The following NFIA variants were observed in gnomAD, a reference collection of about 807,000 sequenced individuals.
The protein encoded by NFIA is nuclear factor 1 A-type.
NFIA carries 8 observed loss-of-function variants against 62.8 expected under a neutral mutation model. The observed-to-expected ratio is 0.13, with a 90% CI of 0.07 to 0.23. The LOEUF (loss-of-function observed/expected upper bound fraction) is 0.23. NFIA is among the 10% of genes least tolerant of loss of function. The probability of loss-of-function intolerance (pLI) is 1.00; values close to 1 mark genes in which losing one functional copy is unlikely to be tolerated. For synonymous variants in NFIA, 235 were observed against 238.1 expected (o/e 0.99, Z 0.12); for missense variants, 410 against 642.1 (o/e 0.64, Z 3.91).
At chr1:61,179,632 G>C (rs1442088163) in intron 2 of NFIA, among the ~76,000 whole-genome samples, 2 of 152,136 alleles carry the variant, frequency 1.3e-5, no homozygotes, top group Non-Finnish European at 2.9e-5. Context: ...ACACCTGAAG[G>C]CTGCTATCTT....
In NFIA at chr1:61,457,932, C is replaced by T. The variant is rs973329337; in HGVS notation, c.*2612C>T. 6.6e-6 allele frequency: 1 copy of T among 151,916 alleles called. No individual in the cohort carries two copies. The highest frequency in any genetic ancestry group is 6.6e-5 in the Admixed American group (1 of 15,256). The allele number at this position is 151,916 out of a possible 1,614,324, so 9.4% of individuals were successfully genotyped here. ...CACATTCAATAAAAAGTATATAATG[C>T]CCATTTTTATATGCACGTTTTTAAA... is the stretch of plus-strand genomic sequence containing the variant. On this transcript the variant is annotated 3_prime_UTR_variant, in exon 11 of 11. Coordinates refer to ENST00000403491, the MANE Select transcript of NFIA (RefSeq NM_001134673.4). This position sits in a 1 kb window ranked among gnomAD's most constrained non-coding sequence, Gnocchi z 4.2.
chr1:61,238,932 C>T (rs1050803685), intron 2 of NFIA, among the ~76,000 whole-genome samples: 2 of 152,028 alleles, frequency 1.3e-5, no homozygotes, highest in Non-Finnish European at 1.5e-5. Flanking sequence ...AATTTTTATA[C>T]CATTTAGTTG....
chr1:61,222,912 C>T (rs1654107385), intron 2 of NFIA, among the ~76,000 whole-genome samples: 1 of 151,884 alleles, frequency 6.6e-6, no homozygotes, highest in Non-Finnish European at 1.5e-5. Flanking sequence ...ATTTCTGAGG[C>T]TATACAAATG....
chr1:61,201,958 A>C (rs1038425203), intron 2 of NFIA, among the ~76,000 whole-genome samples: 3 of 152,090 alleles, frequency 2.0e-5, no homozygotes, highest in East Asian at 1.9e-4. Context: ...TAAAAAAAAA[A>C]CACTCAGATT....
intron 2 of NFIA, among the ~76,000 whole-genome samples, chr1:61,147,800 G>A (rs562767733): frequency 1.3e-5 from 2 of 151,952 alleles, no homozygotes; most frequent in African/African-American, 2.4e-5. Flanking sequence ...CTGAAACTTC[G>A]GTTGGATTAA....
At chr1:61,133,056 T>C (rs1429431943) in intron 2 of NFIA, 1 of 152,218 alleles carries the variant, frequency 6.6e-6, no homozygotes, top group East Asian at 1.9e-4. Flanking sequence ...TTTAAGATCC[T>C]GTGTGTGCTT....
intron 2 of NFIA, among the ~76,000 whole-genome samples, chr1:61,113,939 T>C (rs1461635306): frequency 6.6e-6 from 1 of 152,166 alleles, no homozygotes; most frequent in Non-Finnish European, 1.5e-5. Context: ...TGAACAGGGA[T>C]ATGACATGCT....
chr1:61,107,070 C>T (rs1646615858), intron 2 of NFIA, among the ~76,000 whole-genome samples: 1 of 151,322 alleles, frequency 6.6e-6, no homozygotes, highest in Admixed American at 6.6e-5. Context: ...GTGTAATATT[C>T]TGTGATGGAT....
In NFIA at chr1:61,289,183, A is replaced by C. The variant is rs1034417936; in HGVS notation, c.625+11598A>C. Among the ~76,000 whole-genome samples, 3 of 152,104 alleles carry C rather than the reference A, an allele frequency of 2.0e-5. No homozygotes were observed. In the East Asian group the frequency reaches 5.8e-4, roughly 29 times the overall value. ...GGTCTGTGTTGGTATCCTCCCCCTCAGTTATTGGCTGGAAACAGCCTGGAG... is the reference window on the plus strand; with the variant it reads ...GGTCTGTGTTGGTATCCTCCCCCTCCGTTATTGGCTGGAAACAGCCTGGAG... On this transcript the variant is annotated intron_variant, in intron 3 of 10. Transcript: ENST00000403491.
chr1:61,141,818 A>G (rs1647556893), intron 2 of NFIA, among the ~76,000 whole-genome samples: 1 of 152,324 alleles, frequency 6.6e-6, no homozygotes, highest in African/African-American at 2.4e-5. Context: ...GTCAAAGGCT[A>G]TTGGTTTATT....
In NFIA at chr1:61,246,344, G is replaced by A. The variant is rs545968547; in HGVS notation, c.560-31176G>A. ...ATTAACAGTAGATATGTTCATCAAC[G>A]TTATTTTGAAAAAGTAACGTTATCT... On this transcript the variant is annotated intron_variant, in intron 2 of 10. Coordinates refer to ENST00000403491, the MANE Select transcript of NFIA (RefSeq NM_001134673.4). Among the ~76,000 whole-genome samples, 12 of 152,192 alleles carry A rather than the reference G, an allele frequency of 7.9e-5. No individual in the cohort carries two copies. The South Asian group carries it at 2.3e-3, about 29-fold the overall frequency.
chr1:61,169,398 T>G (rs190550621), intron 2 of NFIA, among the ~76,000 whole-genome samples: 6 of 152,342 alleles, frequency 3.9e-5, no homozygotes, highest in Admixed American at 3.3e-4. Flanking sequence ...AGGAATGCTC[T>G]TCTTTCCATC....
At chr1:61,155,598 G>T (rs553241016) in intron 2 of NFIA, among the ~76,000 whole-genome samples, 1 of 150,434 alleles carries the variant, frequency 6.6e-6, no homozygotes, top group African/African-American at 2.5e-5. Context: ...GCGTGAACCC[G>T]GGAAGCGGAG....
intron 5 of NFIA, among the ~76,000 whole-genome samples, chr1:61,357,491 G>C (rs6697762): frequency 6.6e-6 from 1 of 152,006 alleles, no homozygotes; most frequent in Non-Finnish European, 1.5e-5. Flanking sequence ...ATCAGCTGTA[G>C]AGCAGCCCTG....
rs565652430 is a variant in NFIA at position 61,190,938 on chromosome 1, A to C, written c.560-86582A>C. 2.0e-5 allele frequency among the ~76,000 whole-genome samples: 3 copies of C among 152,334 alleles called. No individual in the cohort carries two copies. The South Asian group carries it at 6.2e-4, about 32-fold the overall frequency. On this transcript the variant is annotated intron_variant, in intron 2 of 10. Transcript: ENST00000403491. ...TGTAGTTTTAATGGTCTGGTACTATAAAAAGCCAACTTTGTGCCAAAATTT... is the reference window on the plus strand; with the variant it reads ...TGTAGTTTTAATGGTCTGGTACTATCAAAAGCCAACTTTGTGCCAAAATTT...
intron 6 of NFIA, among the ~76,000 whole-genome samples, chr1:61,379,605 A>G (rs574293242): frequency 1.4e-3 from 210 of 151,020 alleles, no homozygotes; most frequent in African/African-American, 5.0e-3. Flanking sequence ...ATGCGGTTTC[A>G]CCATGTTGGC....
chr1:61,354,319 T>G (rs1416392838), intron 5 of NFIA, among the ~76,000 whole-genome samples: 3 of 152,236 alleles, frequency 2.0e-5, no homozygotes, highest in Non-Finnish European at 4.4e-5. Flanking sequence ...TTTAAATACA[T>G]AGATTCAGCA....
intron 3 of NFIA, among the ~76,000 whole-genome samples, chr1:61,310,753 CT>C (rs1203906104): frequency 2.3e-5 from 2 of 85,664 alleles, no homozygotes; most frequent in African/African-American, 1.2e-4. Context: ...CCTCCTCCTG[CT>C]TCTCCCTCTT....
At chr1:61,085,046 T>G (rs1403038005) in intron 1 of NFIA, among the ~76,000 whole-genome samples, 2 of 152,120 alleles carry the variant, frequency 1.3e-5, no homozygotes, top group African/African-American at 4.8e-5. Flanking sequence ...ACAATTTATT[T>G]AACTTGCTGG....
Sources: gnomAD v4.1 joint callset for allele counts (sites outside exome capture counted in the v4.1 genomes callset) on GRCh38, gnomAD v4.1.1 for gene constraint, Gnocchi (gnomAD v3.1) non-coding constraint, MANE v1.5 for transcripts, NCBI Gene and HGNC (gene_info 2026-07-23, HGNC 2026-07-21) for gene names.